ZNF141: variants seen among roughly 807,000 people sequenced by gnomAD.
The protein encoded by ZNF141 is zinc finger protein 141.
A neutral mutation model predicts 11.3 loss-of-function variants in ZNF141; 7 were observed. That is an observed-to-expected ratio of 0.62 (90% CI 0.35 to 1.16). ZNF141 has a LOEUF of 1.16. ZNF141 is among the 50% of genes most tolerant of loss of function. The pLI is 0.02. For synonymous variants in ZNF141, 183 were observed against 190.7 expected (o/e 0.96, Z 0.33); for missense variants, 535 against 554.0 (o/e 0.97, Z 0.34).
At chr4:362,289 G>C (rs1042984042) in intron 3 of ZNF141, among the ~76,000 whole-genome samples, 1 of 152,146 alleles carries the variant, frequency 6.6e-6, no homozygotes. Flanking sequence ...CCCTTTGTTG[G>C]ATGGGTAGAT....
rs1712654293 is a variant in ZNF141 at position 382,158 on chromosome 4, A to G, written c.*8296A>G. Among the ~76,000 whole-genome samples the G allele has an allele frequency of 6.6e-6, 1 of 151,700 alleles. No homozygotes were observed. Among genetic ancestry groups the G allele is most frequent in the African/African-American group, 2.4e-5 (1 of 41,200 alleles). ...AGACGGGGTTTCACCATGTTAGCCA[A>G]CAAGGTCTTGATTTCCTGACCTCGT... On this transcript the variant is annotated 3_prime_UTR_variant, in exon 4 of 4. Transcript: ENST00000240499.
At position 377,729 on chromosome 4, in the gene ZNF141, G is replaced by A. The variant is rs1263587856; in HGVS notation, c.*3867G>A. On this transcript the variant is annotated 3_prime_UTR_variant, in exon 4 of 4. Transcript: ENST00000240499. ...TTTCTGTGTTTGTAAAAGAAAAATTGTATGAGATTCTATCATAAAGTGTGT... is the reference window on the plus strand; with the variant it reads ...TTTCTGTGTTTGTAAAAGAAAAATTATATGAGATTCTATCATAAAGTGTGT... 6.6e-6 allele frequency among the ~76,000 whole-genome samples: 1 copy of A among 152,154 alleles called. No homozygotes were observed. The highest frequency in any genetic ancestry group is 2.4e-5 in the African/African-American group (1 of 41,462).
intron 3 of ZNF141, among the ~76,000 whole-genome samples, chr4:350,898 C>T (rs1434906223): frequency 4.0e-5 from 6 of 151,848 alleles, no homozygotes; most frequent in African/African-American, 1.5e-4. Flanking sequence ...TGCCACCATG[C>T]CCGGCTAATT....
rs75808368 is a variant in ZNF141 at position 343,920 on chromosome 4, T to G, written c.130+12T>G. The G allele has an allele frequency of 6.3e-7, 1 of 1,584,012 alleles. No individual in the cohort carries two copies. Among genetic ancestry groups the G allele is most frequent in the Non-Finnish European group, 8.5e-7 (1 of 1,172,818 alleles). On this transcript the variant is annotated intron_variant, in intron 2 of 3. Coordinates refer to ENST00000240499, the MANE Select transcript of ZNF141 (RefSeq NM_003441.4). Reference sequence around the variant, plus strand: ...CCTGGTCTCCCTGGGTGAGGATAACTTCAATACATAATTCCTAATTTTTCT... The same window carrying G: ...CCTGGTCTCCCTGGGTGAGGATAACGTCAATACATAATTCCTAATTTTTCT...
chr4:357,707 C>CTTTTTTTTT (rs572493320), intron 3 of ZNF141, among the ~76,000 whole-genome samples: 4 of 132,590 alleles, frequency 3.0e-5, no homozygotes, highest in African/African-American at 8.4e-5. Context: ...TTTCTTTTTT[C>CTTTTTTTTT]TTTTTTTTTT....
chr4:379,158 A>T lies in ZNF141; in HGVS notation c.*5296A>T, dbSNP rs1712503365. Among the ~76,000 whole-genome samples the T allele has an allele frequency of 6.6e-6, 1 of 150,966 alleles. No homozygotes were observed. Among genetic ancestry groups the T allele is most frequent in the Non-Finnish European group, 1.5e-5 (1 of 67,638 alleles). The stretch of plus-strand genomic sequence containing the variant: ...GTGCCCAGCCTCTCAGTGATTTTTG[A>T]TGCAAATTCATTTACTGTGTTCACG... On this transcript the variant is annotated 3_prime_UTR_variant, in exon 4 of 4. Transcript: ENST00000240499.
chr4:350,613 T>A (rs1721550890), intron 3 of ZNF141, among the ~76,000 whole-genome samples: 1 of 152,212 alleles, frequency 6.6e-6, no homozygotes, highest in African/African-American at 2.4e-5. Context: ...ATGTAATCCC[T>A]ATTGTTGGAG....
chr4:362,070 C>A (rs1405867764), intron 3 of ZNF141, among the ~76,000 whole-genome samples: 3 of 152,236 alleles, frequency 2.0e-5, no homozygotes, highest in Non-Finnish European at 2.9e-5. Flanking sequence ...GATTGCCATT[C>A]TAACTGGTGT....
In ZNF141 at chr4:384,208, TTAATC is replaced by T. The variant is rs1712807384; in HGVS notation, c.*10349_*10353del. On this transcript the variant is annotated 3_prime_UTR_variant, in exon 4 of 4. Coordinates refer to ENST00000240499, the MANE Select transcript of ZNF141 (RefSeq NM_003441.4). ...AAATAGCAAAACAAGAAGTTTGCCT[TTAATC>T]TATTCCCTCCACATCTAAACTCTGG... 1 of 152,216 alleles carries T rather than the reference TTAATC, an allele frequency of 6.6e-6. No individual in the cohort carries two copies. Among genetic ancestry groups the T allele is most frequent in the Admixed American group, 6.5e-5 (1 of 15,282 alleles). 9.4% of individuals were successfully genotyped at this position (152,216 alleles called of 1,614,324 possible).
rs1712415467 is a variant in ZNF141 at position 377,232 on chromosome 4, G to A, written c.*3370G>A. On this transcript the variant is annotated 3_prime_UTR_variant, in exon 4 of 4. Transcript: ENST00000240499. Reference sequence around the variant, plus strand: ...GGAAAACTTTGTCAGTCATGGGGATGTTTTGATCTATTATTGTAGTGAACA... The same window carrying A: ...GGAAAACTTTGTCAGTCATGGGGATATTTTGATCTATTATTGTAGTGAACA... 6.6e-6 allele frequency among the ~76,000 whole-genome samples: 1 copy of A among 152,144 alleles called. No homozygotes were observed. Among genetic ancestry groups the A allele is most frequent in the South Asian group, 2.1e-4 (1 of 4,832 alleles).
At position 380,415 on chromosome 4, in the gene ZNF141, C is replaced by CAAA. The variant is rs1442254367; in HGVS notation, c.*6553_*6554insAAA. Among the ~76,000 whole-genome samples, 1 of 152,022 alleles carries CAAA rather than the reference C, an allele frequency of 6.6e-6. No homozygotes were observed. Among genetic ancestry groups the CAAA allele is most frequent in the Non-Finnish European group, 1.5e-5 (1 of 68,006 alleles). On this transcript the variant is annotated 3_prime_UTR_variant, in exon 4 of 4. Coordinates refer to ENST00000240499, the MANE Select transcript of ZNF141 (RefSeq NM_003441.4). ...ACACCTGTAATCCCAGCACTTTGGG[C>CAAA]GCCCAAGGCAGGTGGATCATGAGGT...
intron 3 of ZNF141, among the ~76,000 whole-genome samples, chr4:367,295 AT>A (rs1277475005): frequency 1.3e-5 from 2 of 152,076 alleles, no homozygotes; most frequent in Admixed American, 1.3e-4. Flanking sequence ...TTGGTTTTGT[AT>A]TGTTTATGAG....
rs1416567789 is a variant in ZNF141, at chr4:374,113, G to T, written c.*251G>T. 1.9e-6 allele frequency: 1 copy of T among 515,616 alleles called. No individual in the cohort carries two copies. Among genetic ancestry groups the T allele is most frequent in the South Asian group, 2.6e-5 (1 of 39,012 alleles). 31.9% of individuals were successfully genotyped at this position (515,616 alleles called of 1,614,324 possible). ...AATGAGCAGAAGAAAATTATTACTG[G>T]AGATAAACCCTGCAAATGTAAAGAG... On this transcript the variant is annotated 3_prime_UTR_variant, in exon 4 of 4. Coordinates refer to ENST00000240499, the MANE Select transcript of ZNF141 (RefSeq NM_003441.4).
At position 378,474 on chromosome 4, in the gene ZNF141, T is replaced by G. The variant is rs1712469506; in HGVS notation, c.*4612T>G. ...TAGTAGAGATGGGGTTTCACCATGT[T>G]GGCCAGGATGGTCTCGATCTTTTGA... On this transcript the variant is annotated 3_prime_UTR_variant, in exon 4 of 4. Coordinates refer to ENST00000240499, the MANE Select transcript of ZNF141 (RefSeq NM_003441.4). Among the ~76,000 whole-genome samples the G allele has an allele frequency of 1.3e-5, 2 of 152,106 alleles. No homozygotes were observed. The highest frequency in any genetic ancestry group is 4.8e-5 in the African/African-American group (2 of 41,436).
chr4:346,204 C>G (rs1424797347), intron 3 of ZNF141, among the ~76,000 whole-genome samples: 1 of 152,050 alleles, frequency 6.6e-6, no homozygotes, highest in Non-Finnish European at 1.5e-5. Flanking sequence ...TAAAAGATAA[C>G]GAGTTATGTT....
chr4:373,900 T>A lies in ZNF141; in HGVS notation c.*38T>A, dbSNP rs188991016. On this transcript the variant is annotated 3_prime_UTR_variant, in exon 4 of 4. Transcript: ENST00000240499. ...AAATGTAAAGAATGTGGCAAACCTT[T>A]GGATGATCCACAAACCTTAATGAAC... 377 of 1,529,602 alleles carry A rather than the reference T, an allele frequency of 2.5e-4. 3 individuals carry two copies. In the Admixed American group the frequency reaches 7.2e-3, roughly 29 times the overall value. The allele number at this position is 1,529,602 out of a possible 1,614,324, so 94.8% of individuals were successfully genotyped here.
In ZNF141 at chr4:377,814, C is replaced by T. The variant is rs1712441870; in HGVS notation, c.*3952C>T. Among the ~76,000 whole-genome samples the T allele has an allele frequency of 6.6e-6, 1 of 152,032 alleles. No homozygotes were observed. The highest frequency in any genetic ancestry group is 2.4e-5 in the African/African-American group (1 of 41,366). The stretch of plus-strand genomic sequence containing the variant: ...AATATAAGTGGGTTGTATATTGTAC[C>T]ACCATATGAAGAAACATCAGAATTT... On this transcript the variant is annotated 3_prime_UTR_variant, in exon 4 of 4. Coordinates refer to ENST00000240499, the MANE Select transcript of ZNF141 (RefSeq NM_003441.4).
At chr4:369,764 A>ATATTTTTTT in intron 3 of ZNF141, among the ~76,000 whole-genome samples, 1 of 48,720 alleles carries the variant, frequency 2.1e-5, no homozygotes, top group African/African-American at 1.7e-4. Context: ...ATATATATAT[A>ATATTTTTTT]TTTTTTTTTT....
chr4:341,169 G>A (rs993466715), intron 1 of ZNF141, among the ~76,000 whole-genome samples: 4 of 151,838 alleles, frequency 2.6e-5, no homozygotes, highest in African/African-American at 9.7e-5. Flanking sequence ...CCAGGTTCAA[G>A]CAATTCTCCT....
Sources: allele counts gnomAD v4.1 joint callset (sites outside exome capture counted in the v4.1 genomes callset), GRCh38; gene constraint gnomAD v4.1.1; transcripts MANE v1.5; gene names NCBI Gene and HGNC (gene_info 2026-07-23, HGNC 2026-07-21).